Variants in MAN2B1 observed in about 807,000 individuals in gnomAD.
MAN2B1 encodes mannosidase alpha class 2B member 1.
A neutral mutation model predicts 127.5 loss-of-function variants in MAN2B1; 99 were observed. That is an observed-to-expected ratio of 0.78 (90% CI 0.66 to 0.92). The LOEUF is 0.92. Ranked by LOEUF, MAN2B1 falls within the 40% of genes least tolerant of loss-of-function variation. The pLI, the probability that MAN2B1 is intolerant of heterozygous loss-of-function variation, is 0.00. For missense variants in MAN2B1, 1,304 were observed against 1,384.8 expected (o/e 0.94, Z 0.93); for synonymous variants, 573 against 568.8 (o/e 1.01, Z -0.11).
intron 20 of MAN2B1, 47 bp from the exon 21 acceptor site, chr19:12,648,449 G>A: frequency 1.4e-6 from 2 of 1,432,156 alleles, no homozygotes; most frequent in South Asian, 2.3e-5. Context: ...GGGTTTGTGG[G>A]TGTCCTTGGG....
At chr19:12,665,646 C>T (rs2145290298) in intron 2 of MAN2B1, 57 bp downstream of exon 2, 1 of 1,591,210 alleles carries the variant, frequency 6.3e-7, no homozygotes, top group Admixed American at 1.7e-5. Flanking sequence ...GTCCAGGACC[C>T]AGAGGGATTA....
At chr19:12,653,066 T>C (rs1416747465) in intron 14 of MAN2B1, among the ~76,000 whole-genome samples, 18 of 150,990 alleles carry the variant, frequency 1.2e-4, no homozygotes, top group Middle Eastern at 3.4e-3. Flanking sequence ...ACTCCTGACC[T>C]CAGGTAATCC....
rs2024011697 is a variant in MAN2B1 at position 12,657,997 on chromosome 19, G to A, written c.1309+66C>T. The A allele has an allele frequency of 3.2e-6, 4 of 1,254,272 alleles. No individual in the cohort carries two copies. The Admixed American group carries it at 7.0e-5, about 22-fold the overall frequency. 77.7% of individuals were successfully genotyped at this position (1,254,272 alleles called of 1,614,324 possible). On this transcript the variant is annotated intron_variant, in intron 10 of 23. Coordinates refer to ENST00000456935, the MANE Select transcript of MAN2B1 (RefSeq NM_000528.4). ...AAAAAAAAAAGAAGAAACTCGAGGG[G>A]GGCGGCCTAGGGGTGGTTTCCAACT... is the stretch of plus-strand genomic sequence containing the variant.
At chr19:12,655,440 T>C (rs1171011602) in intron 14 of MAN2B1, among the ~76,000 whole-genome samples, 1 of 152,156 alleles carries the variant, frequency 6.6e-6, no homozygotes, top group East Asian at 1.9e-4. Flanking sequence ...CCTGCCAAAA[T>C]TGCGAACCAC....
At chr19:12,661,196 A>C in intron 7 of MAN2B1, 64 bp downstream of exon 7, 1 of 1,138,348 alleles carries the variant, frequency 8.8e-7, no homozygotes, top group South Asian at 1.2e-5. Flanking sequence ...CTATGCACAT[A>C]ACCCAAGGCC....
Position 12,665,491 on chromosome 19 carries a change from G to A in MAN2B1, c.297C>T (p.Tyr99=). Residue 99 remains tyrosine, a synonymous_variant, in exon 3 of 24, where the codon TAC becomes TAT. Transcript: ENST00000456935. ...KNDIQHAGVQ[Y]ILDSVISALL... is the part of the protein sequence containing the mutation. ...AGGCAGAGATGACCGAGTCCAGGAT[G>A]TACTGCACACCGGCGTGCTGGATGT... 1.9e-6 allele frequency: 3 copies of A among 1,614,188 alleles called. No homozygotes were observed. Among genetic ancestry groups the A allele is most frequent in the Non-Finnish European group, 2.5e-6 (3 of 1,180,052 alleles).
intron 4 of MAN2B1, 63 bp from the exon 5 acceptor site, chr19:12,663,898 C>T: frequency 6.2e-7 from 1 of 1,609,080 alleles, no homozygotes; most frequent in South Asian, 1.1e-5. Context: ...ACCAAACTCC[C>T]CTCTGCTTGG....
At chr19:12,652,613 C>A (rs547513831) in intron 14 of MAN2B1, among the ~76,000 whole-genome samples, 153 bp from the exon 15 acceptor site, 68 of 151,276 alleles carry the variant, frequency 4.5e-4, no homozygotes, top group Non-Finnish European at 8.0e-4. Flanking sequence ...CTCACTGCAC[C>A]CCCCACCTCC....
Position 12,650,000 on chromosome 19 carries a change from T to C in MAN2B1, c.2180A>G (p.Lys727Arg), listed in dbSNP as rs201318291. ...TGTGTCAAAACGGCTGATGACCTCC[T>C]TCCCCCAGGTGTCGCTGTACCCAAT... ...GPIPVGDTWG[K>R]EVISRFDTPL... Residue 727 changes from lysine to arginine, a missense_variant, in exon 18 of 24, where the codon AAG becomes AGG. Transcript: ENST00000456935. 5.0e-6 allele frequency: 8 copies of C among 1,613,940 alleles called. No homozygotes were observed. In the Admixed American group the frequency reaches 1.2e-4, roughly 24 times the overall value.
At chr19:12,664,759 A>G (rs759618091) in intron 4 of MAN2B1, 33 bp downstream of exon 4, 1 of 1,601,368 alleles carries the variant, frequency 6.2e-7, no homozygotes, top group South Asian at 1.1e-5. Flanking sequence ...GAGTGAGTGA[A>G]GAAGTGGGCC....
intron 12 of MAN2B1, 115 bp downstream of exon 12, chr19:12,656,834 G>A: frequency 9.3e-7 from 1 of 1,069,854 alleles, no homozygotes; most frequent in Non-Finnish European, 1.4e-6. Context: ...TCTCTCTGCT[G>A]ACCCAGCTTC....
intron 14 of MAN2B1, among the ~76,000 whole-genome samples, chr19:12,652,742 G>A (rs1225441580): frequency 1.3e-5 from 2 of 151,852 alleles, no homozygotes; most frequent in Non-Finnish European, 2.9e-5. Flanking sequence ...ATGTTGGCCA[G>A]GCTGGTCTCA....
At position 12,657,048 on chromosome 19, in the gene MAN2B1, C is replaced by T. The variant is rs2023980174; in HGVS notation, c.1428G>A (p.Leu476=). The part of the protein sequence containing the change: ...AAGWGPCEVL[L]SNALARLRGF... Reference sequence around the variant, plus strand: ...CTCTGAGCCGCGCCAGCGCGTTGCTCAGAAGAACCTGCGGAAGAGCGCAAA... The same window carrying T: ...CTCTGAGCCGCGCCAGCGCGTTGCTTAGAAGAACCTGCGGAAGAGCGCAAA... Residue 476 remains leucine, a synonymous_variant, in exon 12 of 24, where the codon CTG becomes CTA. Transcript: ENST00000456935. 1 of 1,607,352 alleles carries T rather than the reference C, an allele frequency of 6.2e-7. No individual in the cohort carries two copies. The highest frequency in any genetic ancestry group is 1.1e-5 in the South Asian group (1 of 90,638).
In MAN2B1 at chr19:12,658,472, G is replaced by A. The variant is rs1568304566; in HGVS notation, c.1065C>T (p.Thr355=). ...TCAGCTCCCAGAGGTAACAAGCGGG[G>A]GTGGAGTAGAGAACATGGACACTGC... ...KGSSVHVLYS[T]PACYLWELNK... is the part of the protein sequence containing the mutation. The change falls in exon 8 of 24, where the codon ACC becomes ACT. Residue 355 remains threonine (T), a synonymous_variant. Transcript: ENST00000456935. The A allele has an allele frequency of 6.2e-7, 1 of 1,614,202 alleles. No individual in the cohort carries two copies. Among genetic ancestry groups the A allele is most frequent in the Non-Finnish European group, 8.5e-7 (1 of 1,180,034 alleles).
At chr19:12,665,240 C>T (rs1295922224) in intron 3 of MAN2B1, 112 bp downstream of exon 3, 2 of 1,343,746 alleles carry the variant, frequency 1.5e-6, no homozygotes, top group Admixed American at 1.7e-5. Context: ...GCAGGCGGAG[C>T]GACACGCATG....
intron 14 of MAN2B1, among the ~76,000 whole-genome samples, chr19:12,653,918 T>C (rs2023899709): frequency 1.3e-5 from 2 of 151,662 alleles, no homozygotes; most frequent in South Asian, 4.2e-4. Flanking sequence ...GAGGTTTCAC[T>C]GTGTTGGCCA....
chr19:12,648,114 C>T, intron 21 of MAN2B1, 61 bp downstream of exon 21: 1 of 1,474,760 alleles, frequency 6.8e-7, no homozygotes, highest in Non-Finnish European at 9.1e-7. Flanking sequence ...ACTCCGCACC[C>T]AAACCCGGCT....
At chr19:12,646,931 C>A in intron 23 of MAN2B1, 199 bp from the exon 24 acceptor site, 1 of 614,504 alleles carries the variant, frequency 1.6e-6, no homozygotes, top group Non-Finnish European at 2.9e-6. Flanking sequence ...CTCAATCTGG[C>A]CACTGTCCTC....
rs1172251024 is a variant in MAN2B1, at chr19:12,652,093, C to T, written c.2046+60G>A. Reference sequence around the variant, plus strand: ...CTCACTCTACACATGGCCCACCACCCTCTTGGGCTCCATAACTTCCCCATT... The same window carrying T: ...CTCACTCTACACATGGCCCACCACCTTCTTGGGCTCCATAACTTCCCCATT... On this transcript the variant is annotated intron_variant, in intron 16 of 23. Transcript: ENST00000456935. The T allele has an allele frequency of 4.5e-6, 6 of 1,323,150 alleles. No individual in the cohort carries two copies. The highest frequency in any genetic ancestry group is 6.6e-6 in the Non-Finnish European group (6 of 915,432). 82.0% of individuals were successfully genotyped at this position (1,323,150 alleles called of 1,614,324 possible).
Sources: allele counts gnomAD v4.1 joint callset (sites outside exome capture counted in the v4.1 genomes callset), GRCh38; gene constraint gnomAD v4.1.1; transcripts MANE v1.5; gene names NCBI Gene and HGNC (gene_info 2026-07-23, HGNC 2026-07-21).